Variants in PIP5K1A observed in about 807,000 individuals in gnomAD.
PIP5K1A encodes phosphatidylinositol-4-phosphate 5-kinase type 1 alpha.
A neutral mutation model predicts 72.9 loss-of-function variants in PIP5K1A; 46 were observed. The ratio of observed to expected loss-of-function variants is 0.63; its 90% CI spans 0.50 to 0.81. The LOEUF is 0.81. Ranked by LOEUF, PIP5K1A falls within the 30% of genes least tolerant of loss-of-function variation. The pLI, the probability that PIP5K1A is intolerant of heterozygous loss-of-function variation, is 0.00. For missense variants in PIP5K1A, 458 were observed against 706.1 expected (o/e 0.65, Z 3.98); for synonymous variants, 228 against 255.1 (o/e 0.89, Z 1.01).
chr1:151,222,135 C>T (rs1210891741), intron 1 of PIP5K1A, among the ~76,000 whole-genome samples: 4 of 152,052 alleles, frequency 2.6e-5, no homozygotes, highest in African/African-American at 7.2e-5. Flanking sequence ...GATATAGATA[C>T]GATATTTTTC....
chr1:151,240,756 T>G (rs935015613), intron 12 of PIP5K1A, among the ~76,000 whole-genome samples: 1 of 152,136 alleles, frequency 6.6e-6, no homozygotes, highest in Non-Finnish European at 1.5e-5. Context: ...CATGAGACCT[T>G]GTCTCTACAA....
intron 1 of PIP5K1A, among the ~76,000 whole-genome samples, chr1:151,215,202 T>G (rs1298751713): frequency 6.7e-6 from 1 of 148,392 alleles, no homozygotes; most frequent in Non-Finnish European, 1.5e-5. Flanking sequence ...TGCTAATTGG[T>G]TTTTTTTGTA....
At chr1:151,214,106 A>G (rs1687240346) in intron 1 of PIP5K1A, among the ~76,000 whole-genome samples, 1 of 152,170 alleles carries the variant, frequency 6.6e-6, no homozygotes, top group South Asian at 2.1e-4. Context: ...AATATACATA[A>G]AAATAATGGT....
At chr1:151,232,151 TC>T (rs1313205844) in intron 5 of PIP5K1A, 96 bp from the exon 6 acceptor site, 2 of 808,222 alleles carry the variant, frequency 2.5e-6, no homozygotes, top group African/African-American at 1.7e-5. Context: ...ATTCCCCCAC[TC>T]CCCCCACCAT....
chr1:151,208,150 G>A (rs587598063), intron 1 of PIP5K1A, among the ~76,000 whole-genome samples: 2 of 152,056 alleles, frequency 1.3e-5, no homozygotes, highest in Non-Finnish European at 2.9e-5. Flanking sequence ...GTGAGCCACC[G>A]GGCCCAGCTG....
chr1:151,201,083 C>G lies in PIP5K1A; in HGVS notation c.85+2002C>G, dbSNP rs1006770926. ...TCTCCTGACCCTGTGATCCGCCCGC[C>G]TTGGCTTCCCAAAGTGCTGGGATTA... On this transcript the variant is annotated intron_variant, in intron 1 of 15. Coordinates refer to ENST00000368888, the MANE Select transcript of PIP5K1A (RefSeq NM_001135638.2). Among the ~76,000 whole-genome samples, 5 of 152,318 alleles carry G rather than the reference C, an allele frequency of 3.3e-5. No homozygotes were observed. In the East Asian group the frequency reaches 9.6e-4, roughly 29 times the overall value.
chr1:151,207,534 CTT>C (rs11384537), intron 1 of PIP5K1A, among the ~76,000 whole-genome samples: 10 of 141,810 alleles, frequency 7.1e-5, no homozygotes, highest in Admixed American at 7.1e-5. Flanking sequence ...CAAGATTAAT[CTT>C]TTTTTTTTTT....
upstream of PIP5K1A, chr1:151,197,901 T>A: frequency 5.5e-6 from 2 of 364,554 alleles, no homozygotes; most frequent in South Asian, 4.1e-5. Context: ...TGTATCTCCA[T>A]GCCCTTTGGA....
chr1:151,205,302 G>C (rs1437771237), intron 1 of PIP5K1A, among the ~76,000 whole-genome samples: 2 of 151,998 alleles, frequency 1.3e-5, no homozygotes, highest in African/African-American at 4.8e-5. Flanking sequence ...CAGCCTCCTA[G>C]GTCACTAGGA....
chr1:151,222,697 A>T (rs1454493187), intron 1 of PIP5K1A, among the ~76,000 whole-genome samples: 1 of 152,156 alleles, frequency 6.6e-6, no homozygotes, highest in Non-Finnish European at 1.5e-5. Flanking sequence ...CTGACCAAAG[A>T]GTCTAGAATC....
Position 151,220,455 on chromosome 1 carries a change from C to T in PIP5K1A, c.86-3790C>T, listed in dbSNP as rs1484990140. On this transcript the variant is annotated intron_variant, in intron 1 of 15. Coordinates refer to ENST00000368888, the MANE Select transcript of PIP5K1A (RefSeq NM_001135638.2). The stretch of plus-strand genomic sequence containing the variant: ...TAGAGAGAATAGTATAATGAACCTC[C>T]ATATACTTACCACCTAGCTTTTTTT... Among the ~76,000 whole-genome samples, 3 of 151,744 alleles carry T rather than the reference C, an allele frequency of 2.0e-5. No individual in the cohort carries two copies. The East Asian group carries it at 5.8e-4, about 29-fold the overall frequency.
Position 151,234,397 on chromosome 1 carries a change from A to G in PIP5K1A, c.840A>G (p.Thr280=), listed in dbSNP as rs145981943. ...AAGAGCGAGAGAAGCCTCTTCCCAC[A>G]TTTAAAGACCTAGACTTCTTACAAG... ...SQKEREKPLP[T]FKDLDFLQDI... The change falls in exon 8 of 16, where the codon ACA becomes ACG. Residue 280 remains threonine (T), a synonymous_variant. Coordinates refer to ENST00000368888, the MANE Select transcript of PIP5K1A (RefSeq NM_001135638.2). The G allele has an allele frequency of 5.0e-6, 8 of 1,613,904 alleles. No individual in the cohort carries two copies. Among genetic ancestry groups the G allele is most frequent in the East Asian group, 4.5e-5 (2 of 44,902 alleles).
intron 1 of PIP5K1A, among the ~76,000 whole-genome samples, chr1:151,216,823 A>G (rs1192718203): frequency 6.6e-6 from 1 of 152,008 alleles, no homozygotes; most frequent in African/African-American, 2.4e-5. Context: ...TGTTACTTCC[A>G]CATTTTATAG....
chr1:151,246,261 A>G (rs1290297773), intron 14 of PIP5K1A, among the ~76,000 whole-genome samples: 1 of 151,984 alleles, frequency 6.6e-6, no homozygotes, highest in Non-Finnish European at 1.5e-5. Flanking sequence ...GAAAACAAAA[A>G]TTTGTTATCC....
At chr1:151,229,249 G>A (rs1278463826) in intron 4 of PIP5K1A, among the ~76,000 whole-genome samples, 8 of 150,986 alleles carry the variant, frequency 5.3e-5, no homozygotes, top group African/African-American at 1.9e-4. Context: ...TGCAGTGGGT[G>A]CGTTGATGGC....
intron 1 of PIP5K1A, among the ~76,000 whole-genome samples, chr1:151,204,173 G>GAT (rs928559769): frequency 1.3e-4 from 20 of 151,518 alleles, no homozygotes; most frequent in East Asian, 1.9e-4. Context: ...GATTATTGTT[G>GAT]ATATATATAT....
intron 14 of PIP5K1A, among the ~76,000 whole-genome samples, chr1:151,246,151 G>A (rs1381646885): frequency 1.3e-5 from 2 of 152,074 alleles, no homozygotes; most frequent in African/African-American, 4.8e-5. Flanking sequence ...GGAGGCCGAG[G>A]CGAGAGAATT....
At chr1:151,210,720 G>C (rs1686685932) in intron 1 of PIP5K1A, among the ~76,000 whole-genome samples, 1 of 152,026 alleles carries the variant, frequency 6.6e-6, no homozygotes, top group African/African-American at 2.4e-5. Flanking sequence ...CGAGTAGTCG[G>C]GATTACAGGT....
intron 14 of PIP5K1A, among the ~76,000 whole-genome samples, chr1:151,246,671 A>G (rs1692554655): frequency 6.6e-6 from 1 of 152,198 alleles, no homozygotes; most frequent in Non-Finnish European, 1.5e-5. Context: ...GAGGGTACCT[A>G]CGACACCTGG....
Sources: allele counts gnomAD v4.1 joint callset (sites outside exome capture counted in the v4.1 genomes callset), GRCh38; gene constraint gnomAD v4.1.1; transcripts MANE v1.5; gene names NCBI Gene and HGNC (gene_info 2026-07-23, HGNC 2026-07-21).